Variants in CHURC1 observed in about 807,000 individuals in gnomAD.
CHURC1 encodes the protein churchill domain containing 1.
A neutral mutation model predicts 15.4 loss-of-function variants in CHURC1; 12 were observed. The ratio of observed to expected loss-of-function variants is 0.78; its 90% CI spans 0.50 to 1.27. CHURC1 has a LOEUF of 1.27. Among genes scored for constraint, CHURC1 ranks in the 50% most tolerant of loss-of-function variants. CHURC1 has a pLI of 0.00. For missense variants in CHURC1, 132 were observed against 137.8 expected, an observed-to-expected ratio of 0.96 and a Z score of 0.21; for synonymous variants, 42 against 47.5, an observed-to-expected ratio of 0.88 and a Z score of 0.48.
In CHURC1 at chr14:64,934,425, AC is replaced by A. The variant is rs1388011956; in HGVS notation, c.*2200del. 8.1e-6 allele frequency: 8 copies of A among 984,740 alleles called. No homozygotes were observed. In the East Asian group the frequency reaches 9.1e-4, roughly 112 times the overall value. The allele number at this position is 984,740 out of a possible 1,614,324, so 61.0% of individuals were successfully genotyped here. A position where few individuals can be genotyped will look rare whatever the true frequency, so the allele number is the denominator to read the frequency against. On this transcript the variant is annotated 3_prime_UTR_variant, in exon 4 of 4. Coordinates refer to ENST00000549115, the MANE Select transcript of CHURC1 (RefSeq NM_001386928.1). ...TTAAGATCACACAGCTAGTGCAGTT[AC>A]CCCCTCTCAGTAATTATGTTTGGCA...
chr14:64,927,732 T>TCCCCCCCCCCCCCCCCCCCCCCC (rs1566830855), intron 3 of CHURC1, among the ~76,000 whole-genome samples: 2 of 106,740 alleles, frequency 1.9e-5, no homozygotes, highest in Non-Finnish European at 3.8e-5. Flanking sequence ...CCCCCCGCCG[T>TCCCCCCCCCCCCCCCCCCCCCCC]CAATTCATAC....
chr14:64,930,674 AGCATGTAG>A, intron 3 of CHURC1: 1 of 352,664 alleles, frequency 2.8e-6, no homozygotes, highest in Non-Finnish European at 5.5e-6. Flanking sequence ...CACATTGCAG[AGCATGTAG>A]GCACTCAGTA....
At chr14:64,925,430 T>C (rs1011720724) in intron 2 of CHURC1, among the ~76,000 whole-genome samples, 3 of 152,052 alleles carry the variant, frequency 2.0e-5, no homozygotes, top group Non-Finnish European at 4.4e-5. Context: ...CCTAGGACTT[T>C]AGGAGGCCCA....
Position 64,934,200 on chromosome 14 carries a change from T to C in CHURC1, c.*1970T>C. On this transcript the variant is annotated 3_prime_UTR_variant, in exon 4 of 4. Transcript: ENST00000549115. ...TTTACTAAAAATACAAAAACAAAAA[T>C]TAGCCAGGGGTGGTGGTATGCACCT... is the stretch of plus-strand genomic sequence containing the variant. 2.4e-6 allele frequency: 1 copy of C among 408,774 alleles called. No homozygotes were observed. The highest frequency in any genetic ancestry group is 3.3e-6 in the Non-Finnish European group (1 of 303,460). 25.3% of individuals were successfully genotyped at this position (408,774 alleles called of 1,614,324 possible).
chr14:64,916,260 A>G (rs1236025656), intron 1 of CHURC1, among the ~76,000 whole-genome samples: 1 of 152,254 alleles, frequency 6.6e-6, no homozygotes, highest in Non-Finnish European at 1.5e-5. Context: ...AGGAACGTAT[A>G]CAATTACTGT....
intron 1 of CHURC1, among the ~76,000 whole-genome samples, chr14:64,920,549 C>T (rs1480777655): frequency 6.6e-6 from 1 of 152,204 alleles, no homozygotes; most frequent in African/African-American, 2.4e-5. Context: ...CCATCCGCTT[C>T]TTATATACTG....
chr14:64,924,150 C>T (rs980631347), intron 2 of CHURC1, 24 bp downstream of exon 2: 2 of 1,586,536 alleles, frequency 1.3e-6, no homozygotes, highest in Admixed American at 1.8e-5. Context: ...ATTTTTTAAC[C>T]TGAGTGTGTT....
chr14:64,923,932 C>A, intron 1 of CHURC1, 59 bp from the exon 2 acceptor site: 3 of 1,418,120 alleles, frequency 2.1e-6, no homozygotes, highest in Non-Finnish European at 2.8e-6. Context: ...GTCTGTTAAT[C>A]ATCTTCACTA....
chr14:64,915,375 A>G (rs1883807232), intron 1 of CHURC1, among the ~76,000 whole-genome samples: 1 of 152,254 alleles, frequency 6.6e-6, no homozygotes, highest in African/African-American at 2.4e-5. Flanking sequence ...GGAGTATGTG[A>G]CTAACAAAAA....
chr14:64,914,540 C>G lies in CHURC1; in HGVS notation c.39+6C>G, dbSNP rs566430707. On this transcript the variant is annotated splice_donor_region_variant and intron_variant, in intron 1 of 3. Coordinates refer to ENST00000549115, the MANE Select transcript of CHURC1 (RefSeq NM_001386928.1). ...AGAAGGAATATCCCAACCGGGTGAG[C>G]GACTGGGCGCTCCCTTGGCCCGCGG... 4 of 1,614,178 alleles carry G rather than the reference C, an allele frequency of 2.5e-6. No homozygotes were observed. The Middle Eastern group carries it at 5.0e-4, about 200-fold the overall frequency.
chr14:64,926,325 C>T (rs1884696152), intron 3 of CHURC1, among the ~76,000 whole-genome samples: 2 of 150,236 alleles, frequency 1.3e-5, no homozygotes, highest in Non-Finnish European at 1.5e-5. Flanking sequence ...GAATTACAGG[C>T]ATGAGCCACT....
chr14:64,932,131 G>A lies in CHURC1; in HGVS notation c.247-7G>A, dbSNP rs1885111661. 6.2e-7 allele frequency: 1 copy of A among 1,612,472 alleles called. No homozygotes were observed. Among genetic ancestry groups the A allele is most frequent in the Non-Finnish European group, 8.5e-7 (1 of 1,179,000 alleles). Reference sequence around the variant, plus strand: ...TCTAGGTAATTATGCACTTTATCTTGTTCTAGGAGTATACCATGCTGTGTC... The same window carrying A: ...TCTAGGTAATTATGCACTTTATCTTATTCTAGGAGTATACCATGCTGTGTC... On this transcript the variant is annotated splice_polypyrimidine_tract_variant and splice_region_variant and intron_variant, in intron 3 of 3. Coordinates refer to ENST00000549115, the MANE Select transcript of CHURC1 (RefSeq NM_001386928.1).
chr14:64,925,558 C>T (rs1295453618), intron 2 of CHURC1, among the ~76,000 whole-genome samples: 1 of 151,896 alleles, frequency 6.6e-6, no homozygotes, highest in Admixed American at 6.6e-5. Context: ...TCTTGAGCCT[C>T]TCCTGGGCTC....
intron 3 of CHURC1, among the ~76,000 whole-genome samples, chr14:64,926,306 A>G (rs1462622396): frequency 7.0e-6 from 1 of 143,832 alleles, no homozygotes; most frequent in African/African-American, 2.7e-5. Flanking sequence ...CTCGGCCTCC[A>G]AAGTGTTGGA....
intron 3 of CHURC1, among the ~76,000 whole-genome samples, chr14:64,929,425 C>G (rs1388567415): frequency 1.3e-5 from 2 of 152,124 alleles, no homozygotes; most frequent in Non-Finnish European, 2.9e-5. Flanking sequence ...TGAATAGCCA[C>G]CTGGGAACTT....
At chr14:64,917,919 C>G (rs1566827072) in intron 1 of CHURC1, among the ~76,000 whole-genome samples, 1 of 152,136 alleles carries the variant, frequency 6.6e-6, no homozygotes, top group East Asian at 1.9e-4. Context: ...TAATATCATG[C>G]TTCACCTGAG....
intron 3 of CHURC1, among the ~76,000 whole-genome samples, chr14:64,926,810 C>G (rs2139904874): frequency 6.6e-6 from 1 of 152,226 alleles, no homozygotes; most frequent in Non-Finnish European, 1.5e-5. Flanking sequence ...AGGATTAATC[C>G]TTACACAATT....
At chr14:64,920,169 G>C (rs1332623214) in intron 1 of CHURC1, among the ~76,000 whole-genome samples, 1 of 152,084 alleles carries the variant, frequency 6.6e-6, no homozygotes, top group Non-Finnish European at 1.5e-5. Flanking sequence ...TTTCTCGTAA[G>C]ATTTTATAAC....
Position 64,932,168 on chromosome 14 carries a change from A to T in CHURC1, c.277A>T (p.Lys93Ter), listed in dbSNP as rs1242516924. The change falls in exon 4 of 4, where the codon AAA becomes TAA. Residue 93 changes from lysine to a stop codon, truncating the protein, a stop_gained. Transcript: ENST00000549115. LOFTEE classifies it high-confidence loss of function. ...TACCATGCTGTGTCTGTTATGCGGC[A>T]AAGCCGAAGATACTATCAGTATTCT... ...EYTMLCLLCG[K>*]AEDTISILPD... The T allele has an allele frequency of 6.2e-7, 1 of 1,613,844 alleles. No homozygotes were observed. The highest frequency in any genetic ancestry group is 1.1e-5 in the South Asian group (1 of 91,064).
Sources: gnomAD v4.1 joint callset for allele counts (sites outside exome capture counted in the v4.1 genomes callset) on GRCh38, gnomAD v4.1.1 for gene constraint, MANE v1.5 for transcripts, NCBI Gene and HGNC (gene_info 2026-07-23, HGNC 2026-07-21) for gene names.